The following GCNT2 variants were observed in gnomAD, a reference collection of about 807,000 sequenced individuals.
The protein encoded by GCNT2 is glucosaminyl (N-acetyl) transferase 2 (I blood group).
A neutral mutation model predicts 34.2 loss-of-function variants in GCNT2; 34 were observed. The ratio of observed to expected loss-of-function variants is 1.00; its 90% CI spans 0.76 to 1.32. GCNT2 has a LOEUF of 1.32. GCNT2 is among the 40% of genes most tolerant of loss of function. The pLI is 0.00. For synonymous variants in GCNT2, 212 were observed against 188.0 expected, an observed-to-expected ratio of 1.13 and a Z score of -1.04; for missense variants, 584 against 489.4, an observed-to-expected ratio of 1.19 and a Z score of -1.82.
rs773819612 is a variant in GCNT2, at chr6:10,557,239, C to T, written c.925+27403C>T. 1.5e-5 allele frequency: 24 copies of T among 1,595,352 alleles called. No homozygotes were observed. In the African/African-American group the frequency reaches 2.8e-4, roughly 19 times the overall value. On this transcript the variant is annotated intron_variant, in intron 3 of 4. Coordinates refer to ENST00000495262, the MANE Select transcript of GCNT2 (RefSeq NM_145649.5). ...ATGTGGCTCTATCAAGAGAGTTTGC[C>T]AACTTTGTTCTGCATGACCCACGGG...
At chr6:10,542,746 C>A (rs376878261) in intron 3 of GCNT2, among the ~76,000 whole-genome samples, 10 of 152,158 alleles carry the variant, frequency 6.6e-5, no homozygotes, top group South Asian at 2.1e-4. Context: ...TTTTTTCATC[C>A]ATTGATGGAC....
intron 3 of GCNT2, among the ~76,000 whole-genome samples, chr6:10,533,319 TA>T (rs1206174084): frequency 6.6e-6 from 1 of 150,960 alleles, no homozygotes; most frequent in Admixed American, 6.6e-5. Flanking sequence ...AATAAAAATT[TA>T]AAAAAAAATT....
intron 3 of GCNT2, among the ~76,000 whole-genome samples, chr6:10,594,852 C>CTT (rs34521720): frequency 0.11 from 16,357 of 148,056 alleles, 1,037 homozygotes; most frequent in Middle Eastern, 0.17. Context: ...ATACCAGTTC[C>CTT]TTTTTTTTTT....
intron 3 of GCNT2, among the ~76,000 whole-genome samples, chr6:10,552,774 C>A (rs1762538194): frequency 6.6e-6 from 1 of 152,160 alleles, no homozygotes; most frequent in Non-Finnish European, 1.5e-5. Flanking sequence ...TCTACTTTTT[C>A]ATGTATTACT....
chr6:10,538,375 T>C (rs1761868786), intron 3 of GCNT2, among the ~76,000 whole-genome samples: 1 of 124,516 alleles, frequency 8.0e-6, no homozygotes, highest in Admixed American at 1.0e-4. Flanking sequence ...ACCATTGCAC[T>C]CTGGCCTGGG....
At chr6:10,556,333 T>C in intron 3 of GCNT2, 1 of 1,596,016 alleles carries the variant, frequency 6.3e-7, no homozygotes, top group Admixed American at 1.7e-5. Context: ...GTGGAGTATG[T>C]TGCAAAATAA....
intron 3 of GCNT2, chr6:10,557,183 C>A (rs752982694): frequency 4.5e-6 from 7 of 1,553,792 alleles, no homozygotes; most frequent in East Asian, 4.5e-5. Flanking sequence ...GCCTCCCCCC[C>A]ATAATCTCAC....
chr6:10,532,353 TA>T (rs1581365906), intron 3 of GCNT2, among the ~76,000 whole-genome samples: 1 of 152,234 alleles, frequency 6.6e-6, no homozygotes, highest in East Asian at 1.9e-4. Flanking sequence ...TTCAGAAACT[TA>T]ACAAAAGTTA....
At chr6:10,598,486 G>A (rs1165318928) in intron 3 of GCNT2, among the ~76,000 whole-genome samples, 6 of 152,144 alleles carry the variant, frequency 3.9e-5, no homozygotes, top group East Asian at 1.9e-4. Context: ...TCTTTGTCAC[G>A]GTCACTGTGT....
At chr6:10,556,581 A>G (rs751646212) in intron 3 of GCNT2, 1 of 1,614,074 alleles carries the variant, frequency 6.2e-7, no homozygotes, top group African/African-American at 1.3e-5. Flanking sequence ...TCTTTTATCA[A>G]TGGAAAAACA....
At chr6:10,551,856 C>A (rs1315717565) in intron 3 of GCNT2, among the ~76,000 whole-genome samples, 1 of 152,064 alleles carries the variant, frequency 6.6e-6, no homozygotes, top group East Asian at 1.9e-4. Context: ...CTCCCAGGTT[C>A]AAGCGATTCT....
At chr6:10,590,435 G>A (rs1420597505) in intron 3 of GCNT2, among the ~76,000 whole-genome samples, 1 of 150,802 alleles carries the variant, frequency 6.6e-6, no homozygotes, top group Non-Finnish European at 1.5e-5. Flanking sequence ...AGCTCTTCAT[G>A]TGGCATGACT....
chr6:10,599,049 T>C (rs981039125), intron 3 of GCNT2, among the ~76,000 whole-genome samples: 4 of 152,174 alleles, frequency 2.6e-5, no homozygotes, highest in African/African-American at 9.7e-5. Flanking sequence ...GTTAAGGTGC[T>C]AGAAAAAATG....
rs1761362389 is a variant in GCNT2 at position 10,529,377 on chromosome 6, A to G, written c.466A>G (p.Lys156Glu). 5 of 1,613,956 alleles carry G rather than the reference A, an allele frequency of 3.1e-6. No individual in the cohort carries two copies. The Admixed American group carries it at 5.0e-5, about 16-fold the overall frequency. The change falls in exon 3 of 5, where the codon AAG (lysine) becomes GAG (glutamate). Residue 156 changes from lysine (K) to glutamate (E), a missense_variant. Coordinates refer to ENST00000495262, the MANE Select transcript of GCNT2 (RefSeq NM_145649.5). ...CFPNAFLASK[K>E]ESVVYGGISR... ...CCCAAATGCTTTTCTGGCTTCCAAG[A>G]AGGAGTCGGTTGTCTATGGGGGGAT...
intron 3 of GCNT2, among the ~76,000 whole-genome samples, chr6:10,551,133 T>G (rs1762460541): frequency 6.6e-6 from 1 of 152,240 alleles, no homozygotes; most frequent in South Asian, 2.1e-4. Flanking sequence ...ATTTTCATTT[T>G]TCCAATTGTT....
intron 3 of GCNT2, among the ~76,000 whole-genome samples, chr6:10,606,847 T>C (rs768605978): frequency 9.9e-5 from 15 of 152,068 alleles, no homozygotes; most frequent in Non-Finnish European, 2.2e-4. Flanking sequence ...TAGTTTTACA[T>C]GTCTTTACTG....
intron 3 of GCNT2, among the ~76,000 whole-genome samples, chr6:10,575,633 C>G (rs1405204529): frequency 6.6e-6 from 1 of 151,894 alleles, no homozygotes; most frequent in Non-Finnish European, 1.5e-5. Context: ...CCTGAAGTAA[C>G]TGAAGAATCA....
intron 3 of GCNT2, chr6:10,574,880 T>C: frequency 1.4e-6 from 1 of 703,380 alleles, no homozygotes; most frequent in Non-Finnish European, 2.7e-6. Context: ...TTGTCTTCTT[T>C]CTTTTTCTGA....
intron 3 of GCNT2, among the ~76,000 whole-genome samples, chr6:10,548,226 C>T (rs1373475417): frequency 6.6e-6 from 1 of 152,092 alleles, no homozygotes; most frequent in Non-Finnish European, 1.5e-5. Context: ...AGAATGAGAC[C>T]CTATCTCTAA....
Sources: gnomAD v4.1 joint callset for allele counts (sites outside exome capture counted in the v4.1 genomes callset) on GRCh38, gnomAD v4.1.1 for gene constraint, MANE v1.5 for transcripts, NCBI Gene and HGNC (gene_info 2026-07-23, HGNC 2026-07-21) for gene names.